Variants in PIEZO1 observed in about 807,000 individuals in gnomAD.
PIEZO1 encodes the protein piezo-type mechanosensitive ion channel component 1.
PIEZO1 carries 296 observed loss-of-function variants against 297.2 expected under a neutral mutation model. The observed-to-expected ratio is 1.00, with a 90% CI of 0.91 to 1.10. The LOEUF is 1.10. PIEZO1 is among the 50% of genes least tolerant of loss of function. The pLI is 0.00. For missense variants in PIEZO1, 5,018 were observed against 3,455.5 expected (o/e 1.45, Z -11.34); for synonymous variants, 2,427 against 1,507.5 (o/e 1.61, Z -14.13).
Position 88,720,469 on chromosome 16 carries a change from G to A in PIEZO1, c.5865C>T (p.Arg1955=), listed in dbSNP as rs367814129. ...TGAGGGCATAGACGTCGGTGGCTGC[G>A]CGGTACTTGGTGTGCAGGATGTCGT... ...FFHDILHTKY[R]AATDVYALMF... Residue 1955 remains arginine (R), a synonymous_variant, in exon 41 of 51, where the codon CGC becomes CGT. Transcript: ENST00000301015. The A allele has an allele frequency of 2.9e-4, 444 of 1,550,390 alleles. 5 individuals are homozygous for A. The South Asian group carries it at 3.7e-3, about 13-fold the overall frequency.
At chr16:88,767,596 C>G (rs1022375099) in intron 1 of PIEZO1, among the ~76,000 whole-genome samples, 1 of 152,204 alleles carries the variant, frequency 6.6e-6, no homozygotes, top group African/African-American at 2.4e-5. Context: ...CACTTGGCCA[C>G]TGAGCCAGAA....
chr16:88,723,173 G>A lies in PIEZO1; in HGVS notation c.4439-22C>T, dbSNP rs749678058. 4 of 1,549,412 alleles carry A rather than the reference G, an allele frequency of 2.6e-6. No homozygotes were observed. The South Asian group carries it at 4.8e-5, about 18-fold the overall frequency. On this transcript the variant is annotated intron_variant, in intron 32 of 50. Coordinates refer to ENST00000301015, the MANE Select transcript of PIEZO1 (RefSeq NM_001142864.4). ...CCTCCTGGGCACAGGATGCTGGTGA[G>A]TGACTGGCAGTCCCGCGGCTTCCCC...
chr16:88,750,846 C>A (rs1048947057), intron 1 of PIEZO1, among the ~76,000 whole-genome samples: 1 of 152,090 alleles, frequency 6.6e-6, no homozygotes, highest in Non-Finnish European at 1.5e-5. Context: ...TCCTCCAGCC[C>A]ACTATCCACC....
intron 44 of PIEZO1, 63 bp downstream of exon 44, chr16:88,719,509 CCT>C (rs1421018054): frequency 1.4e-6 from 2 of 1,454,752 alleles, no homozygotes; most frequent in African/African-American, 2.8e-5. Flanking sequence ...GGCAGCAGTG[CCT>C]CTGTCTTAGG....
At chr16:88,750,895 C>G (rs564111514) in intron 1 of PIEZO1, among the ~76,000 whole-genome samples, 2 of 152,184 alleles carry the variant, frequency 1.3e-5, no homozygotes, top group African/African-American at 4.8e-5. Flanking sequence ...CCTCAGGACC[C>G]CGGTCAGGAG....
At chr16:88,754,063 G>A (rs898180712) in intron 1 of PIEZO1, among the ~76,000 whole-genome samples, 1 of 152,196 alleles carries the variant, frequency 6.6e-6, no homozygotes, top group African/African-American at 2.4e-5. Flanking sequence ...ATGGGATGGG[G>A]TCAGAGAGAG....
chr16:88,723,470 G>C (rs549859610), intron 31 of PIEZO1, 142 bp from the exon 32 acceptor site: 60 of 970,630 alleles, frequency 6.2e-5, no homozygotes, highest in Admixed American at 1.4e-4. Flanking sequence ...AGCCCCTCCC[G>C]GATGGGGACC....
At chr16:88,733,115 C>T (rs368488138) in intron 19 of PIEZO1, 163 bp downstream of exon 19, 53 of 661,536 alleles carry the variant, frequency 8.0e-5, no homozygotes, top group South Asian at 4.6e-4. Flanking sequence ...CAGTTGAGGT[C>T]GAAGGATGCT....
chr16:88,720,841 T>C, intron 39 of PIEZO1, 93 bp from the exon 40 acceptor site: 1 of 1,341,550 alleles, frequency 7.5e-7, no homozygotes, highest in Non-Finnish European at 9.9e-7. Flanking sequence ...ATTCTCCCTG[T>C]TTGACAGACA....
At chr16:88,754,977 C>T (rs60853910) in intron 1 of PIEZO1, among the ~76,000 whole-genome samples, 2,452 of 152,342 alleles carry the variant, frequency 0.016, 64 homozygotes, top group African/African-American at 0.055. Context: ...ACCTCCCACC[C>T]GAGGACACCT....
In PIEZO1 at chr16:88,757,324, G is replaced by A. The variant is rs1158022153; in HGVS notation, c.65-7845C>T. 2.0e-5 allele frequency among the ~76,000 whole-genome samples: 2 copies of A among 98,390 alleles called. 1 individual carries two copies. Among genetic ancestry groups the A allele is most frequent in the Non-Finnish European group, 4.6e-5 (2 of 43,254 alleles). 64.5% of individuals were successfully genotyped at this position (98,390 alleles called of 152,430 possible). On this transcript the variant is annotated intron_variant, in intron 1 of 50. Transcript: ENST00000301015. ...TATGCAGGGGGCGTTGCTGGCGGGG[G>A]GGTGGGGGGTAGTTACCTAACCTGC...
Position 88,762,810 on chromosome 16 carries a change from C to G in PIEZO1, c.65-13331G>C, listed in dbSNP as rs1052642837. 2.0e-5 allele frequency among the ~76,000 whole-genome samples: 3 copies of G among 152,172 alleles called. No homozygotes were observed. In the South Asian group the frequency reaches 6.2e-4, roughly 32 times the overall value. ...AGCTTCAGCCGCCCTGCACACAAGC[C>G]CTGACCAGGCCTAGCTGAGAAGGAC... On this transcript the variant is annotated intron_variant, in intron 1 of 50. Transcript: ENST00000301015.
At chr16:88,760,475 C>G (rs545279789) in intron 1 of PIEZO1, among the ~76,000 whole-genome samples, 1 of 152,386 alleles carries the variant, frequency 6.6e-6, no homozygotes, top group African/African-American at 2.4e-5. Flanking sequence ...CATGGGAGAA[C>G]CCCAGGCCCT....
intron 2 of PIEZO1, among the ~76,000 whole-genome samples, chr16:88,747,381 T>C: frequency 6.6e-6 from 1 of 152,096 alleles, no homozygotes; most frequent in South Asian, 2.1e-4. Flanking sequence ...CCAGGCATGA[T>C]GGTGGGCGCC....
At chr16:88,777,828 A>G (rs1477465043) in intron 1 of PIEZO1, among the ~76,000 whole-genome samples, 1 of 152,090 alleles carries the variant, frequency 6.6e-6, no homozygotes, top group Non-Finnish European at 1.5e-5. Context: ...AGGCCCCTCC[A>G]GGGCAGGCAG....
In PIEZO1 at chr16:88,726,512, C is replaced by G. The variant is rs543110678; in HGVS notation, c.3796+35G>C. On this transcript the variant is annotated intron_variant, in intron 26 of 50. Coordinates refer to ENST00000301015, the MANE Select transcript of PIEZO1 (RefSeq NM_001142864.4). ...CAGGGCCCAGGAGCAGGGGGCTTCC[C>G]CACGCCCTCCCCCGCCACCGTCCTG... 175 of 1,546,436 alleles carry G rather than the reference C, an allele frequency of 1.1e-4. 1 individual carries two copies. In the East Asian group the frequency reaches 4.2e-3, roughly 37 times the overall value.
intron 1 of PIEZO1, among the ~76,000 whole-genome samples, chr16:88,781,187 A>G (rs1907918406): frequency 6.6e-6 from 1 of 152,132 alleles, no homozygotes; most frequent in African/African-American, 2.4e-5. Context: ...TTCATCTTTG[A>G]GCACCGAAAG....
intron 1 of PIEZO1, among the ~76,000 whole-genome samples, chr16:88,773,173 T>C (rs1203555695): frequency 6.6e-6 from 1 of 152,210 alleles, no homozygotes; most frequent in East Asian, 1.9e-4. Context: ...GTCTCATTGA[T>C]TCAGGCTGAG....
chr16:88,781,085 GCT>G (rs1907912558), intron 1 of PIEZO1, among the ~76,000 whole-genome samples: 1 of 152,264 alleles, frequency 6.6e-6, no homozygotes, highest in Non-Finnish European at 1.5e-5. Context: ...GCAAGATGCG[GCT>G]CTCACTGGAC....
Sources: allele counts gnomAD v4.1 joint callset (sites outside exome capture counted in the v4.1 genomes callset), GRCh38; gene constraint gnomAD v4.1.1; transcripts MANE v1.5; gene names NCBI Gene and HGNC (gene_info 2026-07-23, HGNC 2026-07-21).